TAFA1: variants seen among roughly 807,000 people sequenced by gnomAD.
TAFA1 encodes the protein TAFA chemokine like family member 1, also known as chemokine-like protein TAFA-1.
Under a neutral mutation model 18.5 loss-of-function variants are expected in TAFA1, and 4 were observed. The observed-to-expected ratio is 0.22, with a 90% CI of 0.11 to 0.49. TAFA1 has a LOEUF of 0.49. Among genes scored for constraint, TAFA1 ranks in the 20% least tolerant of loss-of-function variants. The pLI, the probability that TAFA1 is intolerant of heterozygous loss-of-function variation, is 0.98. For missense variants in TAFA1, 147 were observed against 169.0 expected (o/e 0.87, Z 0.72); for synonymous variants, 56 against 55.2 (o/e 1.01, Z -0.06).
intron 2 of TAFA1, among the ~76,000 whole-genome samples, chr3:68,123,699 G>A (rs1053471386): frequency 2.6e-5 from 4 of 151,992 alleles, no homozygotes; most frequent in African/African-American, 9.7e-5. Flanking sequence ...TTAACATTGT[G>A]TCCATGGGAA....
At chr3:68,492,721 GT>G (rs1278437006) in intron 3 of TAFA1, among the ~76,000 whole-genome samples, 2 of 152,002 alleles carry the variant, frequency 1.3e-5, no homozygotes, top group Non-Finnish European at 2.9e-5. Flanking sequence ...AGGTTTTGTA[GT>G]TTTTTTCTTC....
intron 2 of TAFA1, among the ~76,000 whole-genome samples, chr3:68,389,261 T>G (rs1212449700): frequency 6.6e-6 from 1 of 152,200 alleles, no homozygotes; most frequent in Non-Finnish European, 1.5e-5. Context: ...GACAGGGCTT[T>G]CTAGGCTCAC....
chr3:68,451,657 T>C (rs146448925), intron 3 of TAFA1, among the ~76,000 whole-genome samples: 1 of 151,788 alleles, frequency 6.6e-6, no homozygotes, highest in African/African-American at 2.4e-5. Context: ...AAAACAGAAG[T>C]GGGATTTGTA....
intron 3 of TAFA1, among the ~76,000 whole-genome samples, chr3:68,419,510 G>C (rs2070914710): frequency 6.6e-6 from 1 of 152,130 alleles, no homozygotes; most frequent in South Asian, 2.1e-4. Flanking sequence ...TGAGTCCAAG[G>C]CGCAAAGGGA....
intron 2 of TAFA1, among the ~76,000 whole-genome samples, chr3:68,156,257 A>AT (rs1384256468): frequency 6.6e-6 from 1 of 152,188 alleles, no homozygotes; most frequent in Admixed American, 6.5e-5. Flanking sequence ...TATTTCTGAG[A>AT]TTTTGGCTTT....
At chr3:68,285,210 C>T (rs2067973840) in intron 2 of TAFA1, among the ~76,000 whole-genome samples, 1 of 152,094 alleles carries the variant, frequency 6.6e-6, no homozygotes, top group South Asian at 2.1e-4. Flanking sequence ...ATATGAATTG[C>T]AAGAATAGGC....
chr3:68,051,793 G>GTT (rs551342264), intron 2 of TAFA1, among the ~76,000 whole-genome samples: 4 of 150,942 alleles, frequency 2.7e-5, no homozygotes, highest in Admixed American at 1.3e-4. Context: ...GGTGAGAAGT[G>GTT]TTTTTTTTTA....
At chr3:68,388,639 G>A (rs933470853) in intron 2 of TAFA1, among the ~76,000 whole-genome samples, 1 of 152,006 alleles carries the variant, frequency 6.6e-6, no homozygotes, top group Non-Finnish European at 1.5e-5. Context: ...TAGATGGAGT[G>A]CTAACAGGAT....
intron 2 of TAFA1, among the ~76,000 whole-genome samples, chr3:68,345,538 G>A (rs777156935): frequency 3.3e-5 from 5 of 152,160 alleles, no homozygotes; most frequent in Non-Finnish European, 7.4e-5. Context: ...AGGGGAAAAC[G>A]TGAGAAATCA....
At chr3:68,162,080 A>T (rs2065931777) in intron 2 of TAFA1, among the ~76,000 whole-genome samples, 1 of 152,212 alleles carries the variant, frequency 6.6e-6, no homozygotes, top group Non-Finnish European at 1.5e-5. Context: ...AACATTTGCC[A>T]ATTGCTGGCC....
intron 2 of TAFA1, chr3:68,192,389 A>C: frequency 5.9e-6 from 1 of 168,390 alleles, no homozygotes. Context: ...TTATGTGGTC[A>C]TGGCATCTGC....
chr3:68,186,459 T>C (rs2066273213), intron 2 of TAFA1, among the ~76,000 whole-genome samples: 1 of 152,094 alleles, frequency 6.6e-6, no homozygotes, highest in African/African-American at 2.4e-5. Context: ...TAATAGATCA[T>C]TGAATGAAAC....
At chr3:68,386,149 C>G (rs533696933) in intron 2 of TAFA1, among the ~76,000 whole-genome samples, 2 of 152,054 alleles carry the variant, frequency 1.3e-5, no homozygotes, top group Non-Finnish European at 2.9e-5. Flanking sequence ...ATTCTCCACA[C>G]CATGAATAAT....
chr3:68,427,061 A>G (rs2071070116), intron 3 of TAFA1, among the ~76,000 whole-genome samples: 1 of 151,810 alleles, frequency 6.6e-6, no homozygotes, highest in African/African-American at 2.4e-5. Context: ...TGTGTGAGAG[A>G]GAGAGATAGG....
chr3:68,496,863 A>C (rs1047742828), intron 3 of TAFA1, among the ~76,000 whole-genome samples: 1 of 152,218 alleles, frequency 6.6e-6, no homozygotes, highest in Admixed American at 6.5e-5. Context: ...ATTATACTGC[A>C]TATAAATAAT....
At chr3:68,300,156 A>G (rs1162521461) in intron 2 of TAFA1, among the ~76,000 whole-genome samples, 5 of 152,184 alleles carry the variant, frequency 3.3e-5, no homozygotes, top group African/African-American at 1.2e-4. Flanking sequence ...TAGGTACTCA[A>G]TGCCAGTCCA....
chr3:68,337,187 A>G lies in TAFA1; in HGVS notation c.119-80093A>G, dbSNP rs118178475. 0.011 allele frequency among the ~76,000 whole-genome samples: 1,632 copies of G among 152,262 alleles called. 84 individuals are homozygous for G. In the East Asian group the frequency reaches 0.17, roughly 16 times the overall value. The stretch of plus-strand genomic sequence containing the variant: ...GTTTAATTGGCTCACGGTTCCACAC[A>G]CTATACAGGAAACATGGCTGGGGTG... On this transcript the variant is annotated intron_variant, in intron 2 of 4. Coordinates refer to ENST00000478136, the MANE Select transcript of TAFA1 (RefSeq NM_213609.4).
intron 2 of TAFA1, among the ~76,000 whole-genome samples, chr3:68,353,036 C>G (rs1208284086): frequency 6.6e-6 from 1 of 152,022 alleles, no homozygotes; most frequent in African/African-American, 2.4e-5. Flanking sequence ...TTTTTGTTCT[C>G]CTAAAATTGG....
At chr3:68,043,073 C>T (rs947340027) in intron 2 of TAFA1, among the ~76,000 whole-genome samples, 2 of 151,972 alleles carry the variant, frequency 1.3e-5, no homozygotes, top group Non-Finnish European at 2.9e-5. Flanking sequence ...TTAGTAGAGA[C>T]GGGGTTTCAC....
Sources: gnomAD v4.1 joint callset for allele counts (sites outside exome capture counted in the v4.1 genomes callset) on GRCh38, gnomAD v4.1.1 for gene constraint, MANE v1.5 for transcripts, NCBI Gene and HGNC (gene_info 2026-07-23, HGNC 2026-07-21) for gene names.